Variants in YIPF6 observed in about 807,000 individuals in gnomAD.
YIPF6 encodes the protein Yip1 domain family member 6, also known as protein YIPF6.
A neutral mutation model predicts 16.8 loss-of-function variants in YIPF6; 3 were observed. That is an observed-to-expected ratio of 0.18 (90% CI 0.08 to 0.46). The LOEUF is 0.46. YIPF6 is among the 20% of genes least tolerant of loss of function. The pLI, the probability that YIPF6 is intolerant of heterozygous loss-of-function variation, is 0.98. For missense variants in YIPF6, 145 were observed against 184.9 expected, an observed-to-expected ratio of 0.78 and a Z score of 1.25; for synonymous variants, 67 against 61.9, an observed-to-expected ratio of 1.08 and a Z score of -0.38.
At chrX:68,518,894 AT>A (rs1415897021) in intron 4 of YIPF6, 82 bp downstream of exon 4, 4 of 952,294 alleles carry the variant, frequency 4.2e-6, no homozygotes, top group African/African-American at 2.0e-5. Context: ...GGGGATTTTG[AT>A]TGAATATTTC....
At chrX:68,516,937 G>T (rs2079105046) in intron 3 of YIPF6, among the ~76,000 whole-genome samples, 1 of 110,098 alleles carries the variant, frequency 9.1e-6, no homozygotes, top group South Asian at 3.9e-4. Context: ...TCCTGCCTCA[G>T]CCTCCCTAGT....
chrX:68,526,981 G>A (rs2079151026), intron 6 of YIPF6, among the ~76,000 whole-genome samples: 2 of 111,609 alleles, frequency 1.8e-5, no homozygotes, highest in African/African-American at 6.5e-5. Flanking sequence ...GGATGATGCT[G>A]GCCTCACGAA....
At chrX:68,522,641 G>A (rs12844563) in intron 5 of YIPF6, 119 bp from the exon 6 acceptor site, 157 of 663,582 alleles carry the variant, frequency 2.4e-4, no homozygotes, top group Middle Eastern at 4.7e-4. Context: ...TTAGGATGTA[G>A]ATGTTATGTA....
intron 2 of YIPF6, among the ~76,000 whole-genome samples, chrX:68,513,004 G>A (rs145856412): frequency 2.1e-3 from 237 of 111,598 alleles, no homozygotes; most frequent in African/African-American, 7.1e-3. Flanking sequence ...TTGTAGAGCA[G>A]CTTTTTATAG....
rs2079182132 is a variant in YIPF6 at position 68,534,110 on chromosome X, T to G, written c.*2111T>G. The G allele has an allele frequency of 8.9e-6, 1 of 112,271 alleles. No homozygotes were observed. The highest frequency in any genetic ancestry group is 1.9e-5 in the Non-Finnish European group (1 of 53,256). 9.3% of individuals were successfully genotyped at this position (112,271 alleles called of 1,213,427 possible). A position where few individuals can be genotyped will look rare whatever the true frequency, so the allele number is the denominator to read the frequency against. On this transcript the variant is annotated 3_prime_UTR_variant, in exon 7 of 7. Coordinates refer to ENST00000462683, the MANE Select transcript of YIPF6 (RefSeq NM_173834.4). Reference sequence around the variant, plus strand: ...TGGGTGACTTAGGGAATGATTTTATTTGATTTAACCTTCTTTCTGTTTGCC... The same window carrying G: ...TGGGTGACTTAGGGAATGATTTTATGTGATTTAACCTTCTTTCTGTTTGCC...
chrX:68,519,729 C>G lies in YIPF6; in HGVS notation c.308+917C>G, dbSNP rs150385390. Among the ~76,000 whole-genome samples the G allele has an allele frequency of 3.2e-4, 35 of 110,553 alleles. No individual in the cohort carries two copies. In the East Asian group the frequency reaches 9.4e-3, roughly 30 times the overall value. The stretch of plus-strand genomic sequence containing the variant: ...TTTCCAGGCTTAACCCTTTATGGGT[C>G]TAAATTCACTAAGTTTCTTGCTGAC... On this transcript the variant is annotated intron_variant, in intron 4 of 6. Transcript: ENST00000462683.
chrX:68,518,843 T>C, intron 4 of YIPF6, 31 bp downstream of exon 4: 3 of 1,160,897 alleles, frequency 2.6e-6, no homozygotes, highest in Non-Finnish European at 3.4e-6. Flanking sequence ...TCTTTGTCAT[T>C]TGAGCTAGAC....
intron 4 of YIPF6, among the ~76,000 whole-genome samples, chrX:68,520,705 C>T (rs1399758390): frequency 3.6e-5 from 4 of 111,680 alleles, no homozygotes; most frequent in African/African-American, 1.3e-4. Flanking sequence ...CTCCTGGCCT[C>T]AAGCGATCTG....
intron 6 of YIPF6, among the ~76,000 whole-genome samples, chrX:68,524,765 A>G (rs973044989): frequency 3.6e-5 from 4 of 109,915 alleles, no homozygotes; most frequent in Non-Finnish European, 7.6e-5. Flanking sequence ...GAGTGAGAAC[A>G]TGTGGTGTTT....
At chrX:68,499,471 C>G (rs1335630413) in intron 1 of YIPF6, among the ~76,000 whole-genome samples, 3 of 111,760 alleles carry the variant, frequency 2.7e-5, no homozygotes, top group African/African-American at 9.8e-5. Flanking sequence ...AAACCTGTCA[C>G]CAGCCTTTGT....
At chrX:68,515,120 A>G (rs192859988) in intron 3 of YIPF6, 15 of 109,228 alleles carry the variant, frequency 1.4e-4, no homozygotes, top group Admixed American at 1.3e-3. Context: ...AGGTCAGGAG[A>G]TCGAGACCAT....
chrX:68,529,547 A>G (rs1012535656), intron 6 of YIPF6, among the ~76,000 whole-genome samples: 3 of 110,789 alleles, frequency 2.7e-5, no homozygotes, highest in Non-Finnish European at 3.8e-5. Flanking sequence ...TTGGAGGAGA[A>G]GAGACATTCT....
intron 2 of YIPF6, among the ~76,000 whole-genome samples, chrX:68,512,305 A>G (rs1183756971): frequency 9.1e-6 from 1 of 110,440 alleles, no homozygotes; most frequent in Non-Finnish European, 1.9e-5. Flanking sequence ...TACTAAAAAT[A>G]CAAAGATTAG....
chrX:68,513,272 A>G, intron 2 of YIPF6, 55 bp from the exon 3 acceptor site: 1 of 1,012,361 alleles, frequency 9.9e-7, no homozygotes, highest in Admixed American at 2.8e-5. Context: ...CAAATTAAGT[A>G]AGGCTGCTGG....
At chrX:68,504,990 G>A (rs796178305) in intron 1 of YIPF6, among the ~76,000 whole-genome samples, 3 of 112,005 alleles carry the variant, frequency 2.7e-5, no homozygotes, top group East Asian at 2.8e-4. Context: ...TTTAAAGCCT[G>A]TTTTTTTCCT....
intron 1 of YIPF6, among the ~76,000 whole-genome samples, chrX:68,501,633 A>C (rs745984389): frequency 1.8e-5 from 2 of 111,952 alleles, no homozygotes; most frequent in Non-Finnish European, 3.8e-5. Context: ...GGATATATCC[A>C]TTCATATATA....
intron 2 of YIPF6, 40 bp from the exon 3 acceptor site, chrX:68,513,287 C>T: frequency 9.0e-7 from 1 of 1,112,092 alleles, no homozygotes; most frequent in African/African-American, 1.8e-5. Context: ...TGCTGGCAAC[C>T]TTGGTCATCA....
At chrX:68,523,022 A>G in intron 6 of YIPF6, 105 bp downstream of exon 6, 2 of 953,140 alleles carry the variant, frequency 2.1e-6, no homozygotes, top group South Asian at 4.5e-5. Context: ...TGTGAGTGAT[A>G]TGATTCTTGA....
At chrX:68,514,052 G>A (rs7886765) in intron 3 of YIPF6, 1,704 of 106,600 alleles carry the variant, frequency 0.016, 21 homozygotes, top group African/African-American at 0.037. Context: ...GCAACATGGC[G>A]AGACCTCATT....
Sources: allele counts gnomAD v4.1 joint callset (sites outside exome capture counted in the v4.1 genomes callset), GRCh38; gene constraint gnomAD v4.1.1; transcripts MANE v1.5; gene names NCBI Gene and HGNC (gene_info 2026-07-23, HGNC 2026-07-21).